Variants in CELA2A observed in about 807,000 individuals in gnomAD.
The protein encoded by CELA2A is chymotrypsin-like elastase family member 2A.
In CELA2A, 31 loss-of-function variants were observed where a neutral mutation model predicts 35.3. The observed-to-expected ratio is 0.88, with a 90% confidence interval of 0.66 to 1.19. The LOEUF is 1.19. Among genes scored for constraint, CELA2A ranks in the 50% most tolerant of loss-of-function variants. The pLI is 0.00. For synonymous variants in CELA2A, 150 were observed against 149.8 expected (o/e 1.00, Z -0.01); for missense variants, 330 against 352.9 (o/e 0.94, Z 0.52).
chr1:15,471,502 C>T (rs1195720559), intron 7 of CELA2A, among the ~76,000 whole-genome samples: 1 of 151,888 alleles, frequency 6.6e-6, no homozygotes, highest in African/African-American at 2.4e-5. Flanking sequence ...GAGCCCAGAT[C>T]GCCCTACTGC....
At chr1:15,459,728 T>A (rs1249618523) in intron 2 of CELA2A, among the ~76,000 whole-genome samples, 1 of 152,138 alleles carries the variant, frequency 6.6e-6, no homozygotes, top group African/African-American at 2.4e-5. Flanking sequence ...TGCTTCTGTT[T>A]CCCTGCGGAA....
chr1:15,461,740 T>C (rs1708437969), intron 3 of CELA2A, 82 bp downstream of exon 3: 1 of 1,526,452 alleles, frequency 6.6e-7, no homozygotes, highest in South Asian at 1.1e-5. Context: ...GCCTGAACCA[T>C]GCTACATAAA....
intron 1 of CELA2A, 137 bp downstream of exon 1, chr1:15,456,930 G>T: frequency 7.5e-7 from 1 of 1,336,582 alleles, no homozygotes; most frequent in East Asian, 2.4e-5. Flanking sequence ...TTGGAATGGA[G>T]TTTCAAAGAA....
intron 2 of CELA2A, 102 bp downstream of exon 2, chr1:15,457,276 A>ATCAATACTCACT: frequency 8.7e-7 from 1 of 1,142,950 alleles, no homozygotes; most frequent in Non-Finnish European, 1.3e-6. Flanking sequence ...CAAAGTGAGT[A>ATCAATACTCACT]TTGATGGGAC....
chr1:15,461,147 G>A (rs1708428098), intron 2 of CELA2A, among the ~76,000 whole-genome samples: 1 of 152,122 alleles, frequency 6.6e-6, no homozygotes, highest in Non-Finnish European at 1.5e-5. Flanking sequence ...CCACCCTCAT[G>A]ATTCAATTAC....
intron 7 of CELA2A, among the ~76,000 whole-genome samples, chr1:15,468,558 G>A (rs1207572682): frequency 6.6e-6 from 1 of 152,200 alleles, no homozygotes; most frequent in African/African-American, 2.4e-5. Flanking sequence ...TGTAATCGCA[G>A]CACTTTGGGA....
intron 5 of CELA2A, 144 bp from the exon 6 acceptor site, chr1:15,465,855 T>C (rs1708509259): frequency 1.1e-5 from 10 of 944,930 alleles, no homozygotes; most frequent in Non-Finnish European, 1.6e-5. Flanking sequence ...CAATCAACCG[T>C]GAGGACACAG....
chr1:15,465,917 G>A, intron 5 of CELA2A, 82 bp from the exon 6 acceptor site: 2 of 1,519,768 alleles, frequency 1.3e-6, no homozygotes, highest in Non-Finnish European at 1.8e-6. Context: ...GACAGGAACA[G>A]GGGAAACCTA....
intron 2 of CELA2A, 96 bp from the exon 3 acceptor site, chr1:15,461,465 C>G (rs1028540914): frequency 5.9e-5 from 81 of 1,362,692 alleles, no homozygotes; most frequent in Non-Finnish European, 8.3e-5. Flanking sequence ...CCTCACTCCC[C>G]CTTACCCTTG....
At chr1:15,469,500 G>A (rs1207011261) in intron 7 of CELA2A, among the ~76,000 whole-genome samples, 1 of 152,144 alleles carries the variant, frequency 6.6e-6, no homozygotes, top group Non-Finnish European at 1.5e-5. Context: ...ATATGAAACT[G>A]CAGCCATGAG....
chr1:15,463,541 C>T lies in CELA2A; in HGVS notation c.493+19C>T. 1 of 1,612,256 alleles carries T rather than the reference C, an allele frequency of 6.2e-7. No individual in the cohort carries two copies. The highest frequency in any genetic ancestry group is 1.3e-5 in the African/African-American group (1 of 75,026). On this transcript the variant is annotated intron_variant, in intron 5 of 7. Transcript: ENST00000359621. ...CTGCAGAGTAAGTGGGAGCCAGGAG[C>T]CCCCAGGCCTGGGAGGGAAGGGAGG...
chr1:15,469,270 C>T (rs568321370), intron 7 of CELA2A, among the ~76,000 whole-genome samples: 8 of 152,232 alleles, frequency 5.3e-5, no homozygotes, highest in East Asian at 3.9e-4. Context: ...AGGAAAGAGT[C>T]GGACACTCTG....
intron 5 of CELA2A, 113 bp downstream of exon 5, chr1:15,463,635 G>A (rs1708471389): frequency 6.5e-7 from 1 of 1,527,110 alleles, no homozygotes; most frequent in Non-Finnish European, 8.9e-7. Context: ...CTGCCTTGGA[G>A]AGACGGGATG....
chr1:15,461,420 G>T, intron 2 of CELA2A, 141 bp from the exon 3 acceptor site: 1 of 761,706 alleles, frequency 1.3e-6, no homozygotes, highest in South Asian at 1.8e-5. Context: ...CTGAGGTTTT[G>T]GGTGCTGCCT....
Position 15,462,255 on chromosome 1 carries a change from G to A in CELA2A, c.228-478G>A, listed in dbSNP as rs534138907. The stretch of plus-strand genomic sequence containing the variant: ...CCAGGAGTGATCCCTTCTCCCATCC[G>A]ATTTATAATAAGCTCTAGGAGGTAT... On this transcript the variant is annotated intron_variant, in intron 3 of 7. Transcript: ENST00000359621. 3.7e-5 allele frequency: 17 copies of A among 465,428 alleles called. No individual in the cohort carries two copies. The East Asian group carries it at 7.0e-4, about 19-fold the overall frequency. The allele number at this position is 465,428 out of a possible 1,614,324, so 28.8% of individuals were successfully genotyped here.
chr1:15,465,748 T>C (rs1456792958), intron 5 of CELA2A, among the ~76,000 whole-genome samples: 2 of 152,104 alleles, frequency 1.3e-5, no homozygotes, highest in Non-Finnish European at 1.5e-5. Context: ...CTTCCCAGAA[T>C]TATGTCCTCT....
rs1708464722 is a variant in CELA2A, at chr1:15,463,264, C to A, written c.357-122C>A. 2.0e-6 allele frequency: 3 copies of A among 1,473,868 alleles called. No individual in the cohort carries two copies. In the African/African-American group the frequency reaches 4.2e-5, roughly 21 times the overall value. The allele number at this position is 1,473,868 out of a possible 1,614,324, so 91.3% of individuals were successfully genotyped here. A position where few individuals can be genotyped will look rare whatever the true frequency, so the allele number is the denominator to read the frequency against. On this transcript the variant is annotated intron_variant, in intron 4 of 7. Transcript: ENST00000359621. ...TTTTCAAACATGCCCTGGGGCCCTGCCAGTCAGAGCAACCTGGGGTAACAG... is the reference window on the plus strand; with the variant it reads ...TTTTCAAACATGCCCTGGGGCCCTGACAGTCAGAGCAACCTGGGGTAACAG...
intron 2 of CELA2A, among the ~76,000 whole-genome samples, chr1:15,458,493 G>A: frequency 6.6e-6 from 1 of 152,180 alleles, no homozygotes; most frequent in East Asian, 1.9e-4. Context: ...GAATCAGGAT[G>A]AGTTTCTACC....
chr1:15,471,569 A>G (rs560175413), intron 7 of CELA2A, among the ~76,000 whole-genome samples: 2 of 146,230 alleles, frequency 1.4e-5, no homozygotes, highest in Non-Finnish European at 3.0e-5. Context: ...ACAAACAAAT[A>G]AAAAAAAAAA....
Sources: gnomAD v4.1 joint callset for allele counts (sites outside exome capture counted in the v4.1 genomes callset) on GRCh38, gnomAD v4.1.1 for gene constraint, MANE v1.5 for transcripts, NCBI Gene and HGNC (gene_info 2026-07-23, HGNC 2026-07-21) for gene names.